The following SUGCT variants were observed in gnomAD, a reference collection of about 807,000 sequenced individuals.
SUGCT encodes succinyl-CoA:glutarate CoA-transferase.
SUGCT carries 41 observed loss-of-function variants against 55.0 expected under a neutral mutation model. The ratio of observed to expected loss-of-function variants is 0.74; its 90% CI spans 0.58 to 0.97. The LOEUF (loss-of-function observed/expected upper bound fraction) is 0.97. SUGCT is among the 50% of genes least tolerant of loss of function. The pLI is 0.00. For synonymous variants in SUGCT, 187 were observed against 200.4 expected (o/e 0.93, Z 0.56); for missense variants, 568 against 547.8 (o/e 1.04, Z -0.37).
At chr7:40,601,936 A>C (rs964512412) in intron 12 of SUGCT, among the ~76,000 whole-genome samples, 5 of 152,178 alleles carry the variant, frequency 3.3e-5, no homozygotes, top group African/African-American at 1.2e-4. Context: ...TTTGCCTGAG[A>C]GTTCGCATTT....
At chr7:40,544,347 G>A (rs908949651) in intron 12 of SUGCT, among the ~76,000 whole-genome samples, 1 of 152,028 alleles carries the variant, frequency 6.6e-6, no homozygotes, top group Non-Finnish European at 1.5e-5. Flanking sequence ...TGCCGCAAGT[G>A]GGTGTGTGAG....
chr7:40,238,853 C>T (rs1293395327), intron 7 of SUGCT, among the ~76,000 whole-genome samples: 3 of 145,368 alleles, frequency 2.1e-5, no homozygotes, highest in African/African-American at 7.7e-5. Context: ...CAGAGTCTTG[C>T]TCTGTCGCCC....
At chr7:40,547,808 A>C (rs1253884193) in intron 12 of SUGCT, among the ~76,000 whole-genome samples, 8 of 152,152 alleles carry the variant, frequency 5.3e-5, no homozygotes, top group Non-Finnish European at 1.2e-4. Context: ...ATACCTATGA[A>C]AGGATTATTT....
intron 12 of SUGCT, among the ~76,000 whole-genome samples, chr7:40,601,364 G>A (rs573934291): frequency 6.6e-6 from 1 of 152,314 alleles, no homozygotes; most frequent in Admixed American, 6.5e-5. Context: ...AGGTTCCCCT[G>A]TGGACTGTAA....
intron 12 of SUGCT, among the ~76,000 whole-genome samples, chr7:40,516,109 A>C (rs1793215046): frequency 6.6e-6 from 1 of 152,200 alleles, no homozygotes; most frequent in African/African-American, 2.4e-5. Context: ...TACACTAATG[A>C]CAATGATGTT....
At chr7:40,558,739 T>A (rs1476463270) in intron 12 of SUGCT, among the ~76,000 whole-genome samples, 1 of 152,236 alleles carries the variant, frequency 6.6e-6, no homozygotes, top group African/African-American at 2.4e-5. Context: ...TTGAATTGTA[T>A]ACTTTAACAT....
chr7:40,253,651 C>A (rs1418979026), intron 7 of SUGCT, among the ~76,000 whole-genome samples: 2 of 152,186 alleles, frequency 1.3e-5, no homozygotes, highest in Non-Finnish European at 2.9e-5. Flanking sequence ...CAACCTCCGC[C>A]TCCCGGTGGC....
At chr7:40,817,398 A>T (rs577279724) in intron 13 of SUGCT, among the ~76,000 whole-genome samples, 1 of 152,282 alleles carries the variant, frequency 6.6e-6, no homozygotes, top group Non-Finnish European at 1.5e-5. Context: ...ATAAGCAGTG[A>T]TAGAGGCCGG....
chr7:40,576,751 A>G (rs1796789885), intron 12 of SUGCT, among the ~76,000 whole-genome samples: 1 of 152,216 alleles, frequency 6.6e-6, no homozygotes, highest in Non-Finnish European at 1.5e-5. Context: ...TAAAATATCA[A>G]TATATGAAAC....
chr7:40,932,979 T>G, the SUGCT span, among the ~76,000 whole-genome samples: 1 of 152,194 alleles, frequency 6.6e-6, no homozygotes, highest in Non-Finnish European at 1.5e-5. Context: ...GTCATTATGA[T>G]GTTCGCTGGT....
the SUGCT span, among the ~76,000 whole-genome samples, chr7:40,960,993 T>C: frequency 0.085 from 13,012 of 152,248 alleles, 618 homozygotes; most frequent in African/African-American, 0.11. Context: ...TTGCATGTTC[T>C]TCTTAAAAGA....
the SUGCT span, among the ~76,000 whole-genome samples, chr7:40,981,214 T>C: frequency 3.9e-5 from 6 of 152,196 alleles, no homozygotes. Context: ...TTGGCAGCCC[T>C]GATGAAGTCT....
At chr7:40,510,458 A>G (rs1792861335) in intron 12 of SUGCT, among the ~76,000 whole-genome samples, 1 of 152,144 alleles carries the variant, frequency 6.6e-6, no homozygotes, top group African/African-American at 2.4e-5. Context: ...AGAGAGATAA[A>G]GTATCAGAGT....
chr7:40,412,277 A>G (rs902840655), intron 9 of SUGCT, among the ~76,000 whole-genome samples: 1 of 152,206 alleles, frequency 6.6e-6, no homozygotes, highest in Non-Finnish European at 1.5e-5. Flanking sequence ...TTCTTTTCTC[A>G]TAACTCTCAC....
chr7:40,772,441 C>T (rs530125766), intron 13 of SUGCT, among the ~76,000 whole-genome samples: 24 of 152,022 alleles, frequency 1.6e-4, no homozygotes, highest in Non-Finnish European at 3.2e-4. Context: ...CAGCATTCAT[C>T]GTGATAGACG....
At chr7:40,367,572 A>G (rs999264818) in intron 9 of SUGCT, among the ~76,000 whole-genome samples, 2 of 152,116 alleles carry the variant, frequency 1.3e-5, no homozygotes, top group Non-Finnish European at 2.9e-5. Flanking sequence ...AAGAAATGTT[A>G]TTTTACTTCC....
chr7:40,272,068 GCTCTCTCTCTCT>G (rs369167019), intron 7 of SUGCT, among the ~76,000 whole-genome samples: 24 of 92,980 alleles, frequency 2.6e-4, no homozygotes, highest in South Asian at 1.3e-3. Context: ...TCTCTGTCTC[GCTCTCTCTCTCT>G]CTCTCTCTCT....
At chr7:40,450,790 G>A (rs1789149210) in intron 10 of SUGCT, among the ~76,000 whole-genome samples, 1 of 151,724 alleles carries the variant, frequency 6.6e-6, no homozygotes, top group Non-Finnish European at 1.5e-5. Flanking sequence ...AAAAAGAGAT[G>A]CCTATGAAAT....
At chr7:40,249,344 T>TATATATATATATATATATATAA (rs1172651937) in intron 7 of SUGCT, among the ~76,000 whole-genome samples, 2 of 128,156 alleles carry the variant, frequency 1.6e-5, no homozygotes, top group African/African-American at 6.5e-5. Flanking sequence ...TATATATATA[T>TATATATATATATATATATATAA]ATAATTATAT....
Sources: gnomAD v4.1 joint callset for allele counts (sites outside exome capture counted in the v4.1 genomes callset) on GRCh38, gnomAD v4.1.1 for gene constraint, MANE v1.5 for transcripts, NCBI Gene and HGNC (gene_info 2026-07-23, HGNC 2026-07-21) for gene names.